RAPGEF4: variants seen among roughly 807,000 people sequenced by gnomAD.
The protein encoded by RAPGEF4 is RAP guanine-nucleotide-exchange factor (GEF) 4.
In RAPGEF4, 66 loss-of-function variants were observed where a neutral mutation model predicts 147.9. The ratio of observed to expected loss-of-function variants is 0.45; its 90% CI spans 0.37 to 0.55. The LOEUF (loss-of-function observed/expected upper bound fraction) is 0.55. Ranked by LOEUF, RAPGEF4 falls within the 20% of genes least tolerant of loss-of-function variation. RAPGEF4 has a pLI of 0.00. For synonymous variants in RAPGEF4, 419 were observed against 442.7 expected, an observed-to-expected ratio of 0.95 and a Z score of 0.67; for missense variants, 1,071 against 1,257.3, an observed-to-expected ratio of 0.85 and a Z score of 2.24.
rs1475379455 is a variant in RAPGEF4, at chr2:173,036,227, A to T, written c.2788+15A>T. 1 of 1,557,508 alleles carries T rather than the reference A, an allele frequency of 6.4e-7. No individual in the cohort carries two copies. The highest frequency in any genetic ancestry group is 2.2e-5 in the East Asian group (1 of 44,602). ...GCTCATTAAAGGTAATCCTAATAAG[A>T]TGCACAGGCCAAGCAGGTGATGAGT... On this transcript the variant is annotated intron_variant, in intron 28 of 30. Coordinates refer to ENST00000397081, the MANE Select transcript of RAPGEF4 (RefSeq NM_007023.4).
chr2:173,036,132 C>A lies in RAPGEF4; in HGVS notation c.2708C>A (p.Ser903Ter). The change falls in exon 28 of 31, where the codon TCA becomes TAA. Residue 903 changes from serine to a stop codon, truncating the protein, a stop_gained. Transcript: ENST00000397081. LOFTEE classifies it high-confidence loss of function. Reference sequence around the variant, plus strand: ...CTCTTTTTCTCTCCTAAGGACCCTTCAAGGAACCACAGGGCCTACAGGCTG... The same window carrying A: ...CTCTTTTTCTCTCCTAAGGACCCTTAAAGGAACCACAGGGCCTACAGGCTG... ...YAEFESLMDP[S>*]RNHRAYRLTV... 6.2e-7 allele frequency: 1 copy of A among 1,609,846 alleles called. No homozygotes were observed. Among genetic ancestry groups the A allele is most frequent in the Non-Finnish European group, 8.5e-7 (1 of 1,176,424 alleles).
At chr2:172,998,325 G>T (rs1375673003) in intron 16 of RAPGEF4, among the ~76,000 whole-genome samples, 1 of 152,248 alleles carries the variant, frequency 6.6e-6, no homozygotes, top group Non-Finnish European at 1.5e-5. Context: ...AGACAGGGAA[G>T]AGTGAGTGGT....
In RAPGEF4 at chr2:172,827,314, C is replaced by T. The variant is rs189195710; in HGVS notation, c.444+12889C>T. ...TCCCCTGAATTCCCTTTCTTGTTTT[C>T]TGCTTGTTACTCTATATTTCCTTCT... On this transcript the variant is annotated intron_variant, in intron 4 of 30. Transcript: ENST00000397081. Among the ~76,000 whole-genome samples, 34 of 152,096 alleles carry T rather than the reference C, an allele frequency of 2.2e-4. No homozygotes were observed. In the East Asian group the frequency reaches 5.8e-3, roughly 26 times the overall value.
intron 4 of RAPGEF4, among the ~76,000 whole-genome samples, chr2:172,826,181 A>G (rs1393623935): frequency 6.6e-6 from 1 of 152,188 alleles, no homozygotes; most frequent in African/African-American, 2.4e-5. Context: ...TCCCACAAAC[A>G]TGCTTTAAGC....
intron 1 of RAPGEF4, among the ~76,000 whole-genome samples, chr2:172,780,165 G>GA (rs1684548006): frequency 6.6e-6 from 1 of 151,432 alleles, no homozygotes; most frequent in African/African-American, 2.4e-5. Context: ...TGATTAACAA[G>GA]AAAAAAAACA....
chr2:172,953,394 A>G (rs964999085), intron 6 of RAPGEF4, among the ~76,000 whole-genome samples: 1 of 148,034 alleles, frequency 6.8e-6, no homozygotes, highest in Non-Finnish European at 1.5e-5. Flanking sequence ...ATGTTATATA[A>G]TAAATATAAA....
chr2:172,955,739 CTG>C, intron 6 of RAPGEF4, among the ~76,000 whole-genome samples: 1 of 152,302 alleles, frequency 6.6e-6, no homozygotes, highest in East Asian at 1.9e-4. Context: ...AGCCCCTACT[CTG>C]TGCCGTCCCG....
intron 26 of RAPGEF4, 29 bp downstream of exon 26, chr2:173,030,283 C>G: frequency 6.4e-7 from 1 of 1,552,122 alleles, no homozygotes; most frequent in Admixed American, 1.7e-5. Context: ...CCAGCTGTGA[C>G]TTTTGCCTTA....
At chr2:172,850,076 C>G (rs770945589) in intron 4 of RAPGEF4, among the ~76,000 whole-genome samples, 1 of 152,048 alleles carries the variant, frequency 6.6e-6, no homozygotes, top group Non-Finnish European at 1.5e-5. Context: ...ATAGACTGAC[C>G]CTTTAATTTG....
At chr2:172,833,193 G>A (rs1690550269) in intron 4 of RAPGEF4, among the ~76,000 whole-genome samples, 1 of 123,618 alleles carries the variant, frequency 8.1e-6, no homozygotes. Flanking sequence ...GACAGAGCGA[G>A]ACTCCGTCTC....
chr2:173,050,725 C>T (rs1290112849), intron 30 of RAPGEF4, among the ~76,000 whole-genome samples: 4 of 123,658 alleles, frequency 3.2e-5, no homozygotes, highest in African/African-American at 6.2e-5. Flanking sequence ...GGAGAATTCA[C>T]GAAGAAGAAA....
At chr2:172,858,365 C>G (rs550188744) in intron 4 of RAPGEF4, among the ~76,000 whole-genome samples, 1 of 152,244 alleles carries the variant, frequency 6.6e-6, no homozygotes, top group Admixed American at 6.5e-5. Context: ...GTAGTAAAAT[C>G]TTGTTCATGT....
At chr2:172,911,832 T>C (rs1297768120) in intron 4 of RAPGEF4, among the ~76,000 whole-genome samples, 2 of 139,064 alleles carry the variant, frequency 1.4e-5, no homozygotes, top group African/African-American at 5.4e-5. Flanking sequence ...AGTGCAGTGA[T>C]CACAGCTCAT....
At chr2:172,935,762 T>C (rs1291980279) in intron 6 of RAPGEF4, among the ~76,000 whole-genome samples, 1 of 152,230 alleles carries the variant, frequency 6.6e-6, no homozygotes, top group Non-Finnish European at 1.5e-5. Flanking sequence ...ACATATATGA[T>C]GTGGAGATTA....
intron 6 of RAPGEF4, among the ~76,000 whole-genome samples, chr2:172,944,493 T>C (rs1158955859): frequency 6.6e-6 from 1 of 152,172 alleles, no homozygotes; most frequent in Non-Finnish European, 1.5e-5. Flanking sequence ...CAGCGAGTCA[T>C]GACTGACTAC....
chr2:173,036,109 CTT>C lies in RAPGEF4; in HGVS notation c.2701-12_2701-11del, dbSNP rs759752580. ...CTGTCACCAGTCATTACCATCATCT[CTT>C]TTTCTCTCCTAAGGACCCTTCAAGG... On this transcript the variant is annotated splice_polypyrimidine_tract_variant and intron_variant, in intron 27 of 30. Transcript: ENST00000397081. 3.2e-6 allele frequency: 5 copies of C among 1,579,828 alleles called. No homozygotes were observed. Among genetic ancestry groups the C allele is most frequent in the Admixed American group, 3.3e-5 (2 of 59,954 alleles).
At chr2:172,830,291 A>G (rs1574972719) in intron 4 of RAPGEF4, among the ~76,000 whole-genome samples, 1 of 152,358 alleles carries the variant, frequency 6.6e-6, no homozygotes, top group African/African-American at 2.4e-5. Flanking sequence ...GCTAAGTTCC[A>G]GAGATCAAAA....
chr2:172,982,790 A>G (rs1439403506), intron 10 of RAPGEF4, among the ~76,000 whole-genome samples: 1 of 152,220 alleles, frequency 6.6e-6, no homozygotes, highest in Non-Finnish European at 1.5e-5. Flanking sequence ...ATTTTAGAAT[A>G]AAAATGCTTT....
chr2:173,045,454 T>C (rs969055883), intron 29 of RAPGEF4, among the ~76,000 whole-genome samples: 1 of 152,200 alleles, frequency 6.6e-6, no homozygotes, highest in African/African-American at 2.4e-5. Flanking sequence ...TTATGAAGAA[T>C]TGTTGAAGAA....
Sources: gnomAD v4.1 joint callset for allele counts (sites outside exome capture counted in the v4.1 genomes callset) on GRCh38, gnomAD v4.1.1 for gene constraint, MANE v1.5 for transcripts, NCBI Gene and HGNC (gene_info 2026-07-23, HGNC 2026-07-21) for gene names.